GALNTL6: variants seen among roughly 807,000 people sequenced by gnomAD.
GALNTL6 encodes the protein polypeptide N-acetylgalactosaminyltransferase-like 6.
Under a neutral mutation model 73.7 loss-of-function variants are expected in GALNTL6, and 46 were observed. The observed-to-expected ratio is 0.62, with a 90% CI of 0.49 to 0.80. The LOEUF (loss-of-function observed/expected upper bound fraction) is 0.80, where lower values mean the gene tolerates loss of function less well. GALNTL6 is among the 30% of genes least tolerant of loss of function. GALNTL6 has a pLI of 0.00. For missense variants in GALNTL6, 604 were observed against 755.0 expected (o/e 0.80, Z 2.34); for synonymous variants, 259 against 263.7 (o/e 0.98, Z 0.17).
intron 2 of GALNTL6, among the ~76,000 whole-genome samples, chr4:171,922,486 G>C (rs777970945): frequency 5.3e-5 from 8 of 151,564 alleles, no homozygotes; most frequent in Non-Finnish European, 1.2e-4. Context: ...TAAATGTACT[G>C]GATAAGGGAT....
intron 2 of GALNTL6, among the ~76,000 whole-genome samples, chr4:172,087,757 T>G (rs1167051339): frequency 7.6e-6 from 1 of 132,146 alleles, no homozygotes; most frequent in South Asian, 2.9e-4. Context: ...TACCTACAAA[T>G]AGCAGAAAAA....
At chr4:172,423,065 C>T (rs1224138858) in intron 5 of GALNTL6, among the ~76,000 whole-genome samples, 1 of 151,806 alleles carries the variant, frequency 6.6e-6, no homozygotes, top group Non-Finnish European at 1.5e-5. Context: ...TAGAGGTAGA[C>T]ACCAGGAAAT....
At chr4:171,873,275 T>C (rs922776192) in intron 2 of GALNTL6, among the ~76,000 whole-genome samples, 34 of 152,320 alleles carry the variant, frequency 2.2e-4, no homozygotes, top group Admixed American at 7.8e-4. Flanking sequence ...AATGCATTCA[T>C]TGATATTTAC....
At chr4:172,940,948 T>G (rs1748890016) in intron 9 of GALNTL6, among the ~76,000 whole-genome samples, 2 of 152,190 alleles carry the variant, frequency 1.3e-5, no homozygotes, top group South Asian at 4.1e-4. Flanking sequence ...AGTTGTGGGA[T>G]TATAGGCATA....
chr4:172,515,906 C>G (rs530712975), intron 5 of GALNTL6, among the ~76,000 whole-genome samples: 1 of 152,194 alleles, frequency 6.6e-6, no homozygotes, highest in Non-Finnish European at 1.5e-5. Flanking sequence ...TTGCACTCTG[C>G]TCGAACCCTT....
At chr4:172,862,271 G>T (rs139410783) in intron 7 of GALNTL6, among the ~76,000 whole-genome samples, 7 of 152,322 alleles carry the variant, frequency 4.6e-5, no homozygotes, top group African/African-American at 1.7e-4. Context: ...GGTCACTCTT[G>T]CTGTGCAAAG....
chr4:171,835,053 T>C (rs1466428956), intron 2 of GALNTL6, among the ~76,000 whole-genome samples: 1 of 152,054 alleles, frequency 6.6e-6, no homozygotes, highest in African/African-American at 2.4e-5. Flanking sequence ...CTCCATGTTC[T>C]TCTTGCCATC....
At chr4:172,891,059 T>G (rs1016938887) in intron 8 of GALNTL6, among the ~76,000 whole-genome samples, 5 of 152,144 alleles carry the variant, frequency 3.3e-5, no homozygotes, top group Non-Finnish European at 7.4e-5. Flanking sequence ...ATTCCTTTCC[T>G]TTGAGCCTAT....
intron 5 of GALNTL6, among the ~76,000 whole-genome samples, chr4:172,524,462 G>A (rs533995977): frequency 2.8e-4 from 43 of 152,156 alleles, no homozygotes; most frequent in Non-Finnish European, 4.9e-4. Context: ...TATTGGCCAG[G>A]CTGGAAGTGA....
chr4:171,954,110 AT>A (rs1738973713), intron 2 of GALNTL6, among the ~76,000 whole-genome samples: 2 of 151,940 alleles, frequency 1.3e-5, no homozygotes, highest in African/African-American at 4.8e-5. Context: ...CGCTAAAAAA[AT>A]AAGAAAAATG....
chr4:172,128,098 C>T (rs72700935), intron 2 of GALNTL6, among the ~76,000 whole-genome samples: 4,390 of 151,206 alleles, frequency 0.029, 76 homozygotes, highest in Non-Finnish European at 0.043. Flanking sequence ...AACAAGATTC[C>T]GTCTCAAAAA....
chr4:171,986,555 A>G (rs923563215), intron 2 of GALNTL6, among the ~76,000 whole-genome samples: 1 of 152,096 alleles, frequency 6.6e-6, no homozygotes, highest in African/African-American at 2.4e-5. Flanking sequence ...GTATGGAGAG[A>G]TAATGGGCAA....
chr4:172,537,168 A>G (rs1311985373), intron 5 of GALNTL6, among the ~76,000 whole-genome samples: 1 of 152,116 alleles, frequency 6.6e-6, no homozygotes, highest in Non-Finnish European at 1.5e-5. Flanking sequence ...AATGAATGAG[A>G]CTTTGGAGGA....
chr4:172,623,151 A>C (rs940735054), intron 5 of GALNTL6, among the ~76,000 whole-genome samples: 1 of 152,164 alleles, frequency 6.6e-6, no homozygotes, highest in East Asian at 1.9e-4. Context: ...ATTGTCAAAA[A>C]TCAATGCACG....
chr4:171,992,581 C>T (rs1252380419), intron 2 of GALNTL6, among the ~76,000 whole-genome samples: 4 of 152,010 alleles, frequency 2.6e-5, no homozygotes, highest in African/African-American at 9.7e-5. Flanking sequence ...AAATAGAATT[C>T]TGATTCGGTC....
intron 2 of GALNTL6, among the ~76,000 whole-genome samples, chr4:172,130,408 A>G (rs1733456552): frequency 6.6e-6 from 1 of 151,954 alleles, no homozygotes. Context: ...AAGTGCCTAT[A>G]TTTTTGTTCA....
At chr4:172,268,554 A>G (rs993516940) in intron 3 of GALNTL6, among the ~76,000 whole-genome samples, 2 of 152,216 alleles carry the variant, frequency 1.3e-5, no homozygotes, top group African/African-American at 4.8e-5. Context: ...GCAATTCCCA[A>G]CTAGGGCTGA....
At chr4:171,986,151 GC>G (rs1236724238) in intron 2 of GALNTL6, among the ~76,000 whole-genome samples, 1 of 151,978 alleles carries the variant, frequency 6.6e-6, no homozygotes, top group Non-Finnish European at 1.5e-5. Context: ...CTTTGTGTGA[GC>G]AATAAAGCTG....
At chr4:172,583,644 A>G (rs1579211784) in intron 5 of GALNTL6, among the ~76,000 whole-genome samples, 1 of 152,082 alleles carries the variant, frequency 6.6e-6, no homozygotes, top group Non-Finnish European at 1.5e-5. Context: ...GCTCACGCCT[A>G]TAATCCCAGC....
Sources: gnomAD v4.1 joint callset for allele counts (sites outside exome capture counted in the v4.1 genomes callset) on GRCh38, gnomAD v4.1.1 for gene constraint, MANE v1.5 for transcripts, NCBI Gene and HGNC (gene_info 2026-07-23, HGNC 2026-07-21) for gene names.